CSMD1: variants seen among roughly 807,000 people sequenced by gnomAD.
The protein encoded by CSMD1 is CUB and Sushi multiple domains 1.
A neutral mutation model predicts 417.5 loss-of-function variants in CSMD1; 213 were observed. The ratio of observed to expected loss-of-function variants is 0.51; its 90% CI spans 0.46 to 0.57. The LOEUF is 0.57. CSMD1 is among the 20% of genes least tolerant of loss of function. CSMD1 has a pLI of 0.00. For missense variants in CSMD1, 6,923 were observed against 4,529.7 expected, an observed-to-expected ratio of 1.53 and a Z score of -15.17; for synonymous variants, 2,862 against 1,736.8, an observed-to-expected ratio of 1.65 and a Z score of -16.11.
intron 1 of CSMD1, among the ~76,000 whole-genome samples, chr8:4,729,495 G>C (rs1005961651): frequency 2.6e-4 from 39 of 152,144 alleles, no homozygotes; most frequent in African/African-American, 9.4e-4. Context: ...TCACACAAAA[G>C]TTTTCTTTAA....
intron 5 of CSMD1, among the ~76,000 whole-genome samples, chr8:3,926,217 T>C (rs1401691461): frequency 1.3e-5 from 2 of 152,300 alleles, no homozygotes; most frequent in South Asian, 2.1e-4. Flanking sequence ...ATAACGTATG[T>C]TGATTTATTT....
intron 1 of CSMD1, among the ~76,000 whole-genome samples, chr8:4,984,116 T>A (rs1811047309): frequency 6.6e-6 from 1 of 152,212 alleles, no homozygotes; most frequent in South Asian, 2.1e-4. Context: ...ACATGGCCAG[T>A]AAATCAAAAA....
intron 10 of CSMD1, among the ~76,000 whole-genome samples, chr8:3,535,602 T>A (rs894893520): frequency 6.6e-5 from 10 of 152,178 alleles, no homozygotes; most frequent in African/African-American, 2.2e-4. Context: ...AATAACTTAA[T>A]GGGTATAATG....
chr8:4,049,435 T>C (rs962766015), intron 3 of CSMD1, among the ~76,000 whole-genome samples: 19 of 151,472 alleles, frequency 1.3e-4, no homozygotes, highest in African/African-American at 3.9e-4. Context: ...CTCAAAAAAC[T>C]ACTGCCTACG....
chr8:4,744,348 A>G (rs958513405), intron 1 of CSMD1, among the ~76,000 whole-genome samples: 1 of 152,084 alleles, frequency 6.6e-6, no homozygotes, highest in African/African-American at 2.4e-5. Flanking sequence ...GCTAGCCACA[A>G]CTTCTTTCCA....
At chr8:4,817,716 AT>A (rs1466680730) in intron 1 of CSMD1, among the ~76,000 whole-genome samples, 1 of 152,216 alleles carries the variant, frequency 6.6e-6, no homozygotes, top group East Asian at 1.9e-4. Context: ...AAATTGCATA[AT>A]TTTGTTTGTA....
intron 3 of CSMD1, among the ~76,000 whole-genome samples, chr8:4,413,491 A>G (rs17070174): frequency 0.028 from 4,319 of 152,308 alleles, 100 homozygotes; most frequent in African/African-American, 0.067. Context: ...GAAGGCAATT[A>G]TATCTCTGCT....
At chr8:3,276,976 G>C (rs568604456) in intron 26 of CSMD1, among the ~76,000 whole-genome samples, 10 of 152,200 alleles carry the variant, frequency 6.6e-5, no homozygotes, top group African/African-American at 2.2e-4. Context: ...CATTGTGTTT[G>C]GGGACTGGAA....
chr8:3,879,494 C>A (rs1256543741), intron 5 of CSMD1, among the ~76,000 whole-genome samples: 1 of 152,118 alleles, frequency 6.6e-6, no homozygotes, highest in Non-Finnish European at 1.5e-5. Context: ...GGGACAGAGA[C>A]CAAGTTACCG....
chr8:4,269,996 C>G (rs1166446045), intron 3 of CSMD1, among the ~76,000 whole-genome samples: 2 of 152,104 alleles, frequency 1.3e-5, no homozygotes, highest in Non-Finnish European at 2.9e-5. Flanking sequence ...AGCTTGGGGC[C>G]ATATATAAGA....
intron 1 of CSMD1, among the ~76,000 whole-genome samples, chr8:4,843,484 G>T (rs912699765): frequency 1.3e-5 from 2 of 152,012 alleles, no homozygotes; most frequent in African/African-American, 4.8e-5. Context: ...TGTGTATAAA[G>T]GAAAGTAGCA....
At chr8:3,422,593 T>C (rs544013130) in intron 12 of CSMD1, among the ~76,000 whole-genome samples, 21 of 152,286 alleles carry the variant, frequency 1.4e-4, no homozygotes, top group African/African-American at 4.8e-4. Context: ...CATGTTACAA[T>C]AGGGCTAGAC....
At chr8:4,910,144 G>C (rs905349608) in intron 1 of CSMD1, among the ~76,000 whole-genome samples, 4 of 152,070 alleles carry the variant, frequency 2.6e-5, no homozygotes, top group African/African-American at 9.7e-5. Flanking sequence ...ATGTTATAAT[G>C]TTGCAGAACA....
chr8:3,923,235 G>A (rs1489578026), intron 5 of CSMD1, among the ~76,000 whole-genome samples: 1 of 152,106 alleles, frequency 6.6e-6, no homozygotes, highest in Non-Finnish European at 1.5e-5. Context: ...CTTGTCTGGT[G>A]GTGAATCTTC....
chr8:3,562,416 A>AC (rs879607855), intron 10 of CSMD1, among the ~76,000 whole-genome samples: 47,516 of 140,958 alleles, frequency 0.34, 8,174 homozygotes, highest in African/African-American at 0.43. Flanking sequence ...ACACATGCAC[A>AC]AACACACATG....
intron 3 of CSMD1, among the ~76,000 whole-genome samples, chr8:4,339,129 T>G (rs896136281): frequency 6.6e-6 from 1 of 152,054 alleles, no homozygotes; most frequent in African/African-American, 2.4e-5. Flanking sequence ...AGAAATATAT[T>G]CCAACTACAA....
intron 18 of CSMD1, among the ~76,000 whole-genome samples, chr8:3,379,106 GACAA>G (rs759975293): frequency 2.0e-5 from 3 of 152,062 alleles, no homozygotes; most frequent in Non-Finnish European, 4.4e-5. Flanking sequence ...ATAAATAATA[GACAA>G]ACAGAGAGCC....
intron 26 of CSMD1, among the ~76,000 whole-genome samples, chr8:3,264,372 A>G (rs1235588534): frequency 6.6e-6 from 1 of 152,134 alleles, no homozygotes; most frequent in Non-Finnish European, 1.5e-5. Flanking sequence ...CTTGTGTTCT[A>G]TCTTTTCCTG....
At chr8:4,634,759 T>G (rs1308046200) in intron 2 of CSMD1, among the ~76,000 whole-genome samples, 1 of 152,154 alleles carries the variant, frequency 6.6e-6, no homozygotes, top group African/African-American at 2.4e-5. Flanking sequence ...TATAACTACT[T>G]TCCCCATCAA....
Sources: gnomAD v4.1 joint callset for allele counts (sites outside exome capture counted in the v4.1 genomes callset) on GRCh38, gnomAD v4.1.1 for gene constraint, MANE v1.5 for transcripts, NCBI Gene and HGNC (gene_info 2026-07-23, HGNC 2026-07-21) for gene names.